Variants in CLTC observed in about 807,000 individuals in gnomAD.
The protein encoded by CLTC is clathrin heavy chain.
In CLTC, 16 loss-of-function variants were observed where a neutral mutation model predicts 195.8. That is an observed-to-expected ratio of 0.08 (90% CI 0.06 to 0.12). The LOEUF (loss-of-function observed/expected upper bound fraction) is 0.12. CLTC is among the 10% of genes least tolerant of loss of function. The pLI is 1.00. For missense variants in CLTC, 796 were observed against 2,027.0 expected, an observed-to-expected ratio of 0.39 and a Z score of 11.66; for synonymous variants, 667 against 689.4, an observed-to-expected ratio of 0.97 and a Z score of 0.51.
chr17:59,656,270 A>G (rs552351059), intron 6 of CLTC: 1 of 351,094 alleles, frequency 2.8e-6, no homozygotes, highest in African/African-American at 2.2e-5. Flanking sequence ...GTATGAATAC[A>G]AAGTCTCTCT....
At position 59,693,810 on chromosome 17, in the gene CLTC, A is replaced by G. The variant is rs546506186; in HGVS notation, c.4986A>G (p.Pro1662=). 1.2e-6 allele frequency: 2 copies of G among 1,613,446 alleles called. No individual in the cohort carries two copies. The highest frequency in any genetic ancestry group is 2.7e-5 in the African/African-American group (2 of 74,964). The change falls in exon 32 of 32, where the codon CCA becomes CCG. Residue 1662 remains proline, a synonymous_variant. Transcript: ENST00000269122. The part of the protein sequence containing the change: ...QAPFGYGYTA[P]PYGQPQPGFG... ...CTTTTGGTTATGGTTATACCGCACC[A>G]CCGTATGGACAGCCACAGCCTGGCT...
chr17:59,638,826 C>T (rs2031946844), intron 1 of CLTC, among the ~76,000 whole-genome samples: 1 of 152,050 alleles, frequency 6.6e-6, no homozygotes. Context: ...GTTCGGGATC[C>T]CTGCTCTAGA....
At chr17:59,679,825 T>G (rs887288987) in intron 18 of CLTC, among the ~76,000 whole-genome samples, 1 of 152,046 alleles carries the variant, frequency 6.6e-6, no homozygotes, top group African/African-American at 2.4e-5. Context: ...TTCCAGCACT[T>G]TGGGAGGCCG....
At chr17:59,652,687 G>A (rs935301779) in intron 5 of CLTC, among the ~76,000 whole-genome samples, 3 of 152,192 alleles carry the variant, frequency 2.0e-5, no homozygotes, top group Admixed American at 6.5e-5. Flanking sequence ...GTAAACAGAT[G>A]TGCTGTCATC....
intron 1 of CLTC, among the ~76,000 whole-genome samples, chr17:59,639,087 G>C (rs1257940500): frequency 6.6e-6 from 1 of 152,140 alleles, no homozygotes; most frequent in Admixed American, 6.5e-5. Context: ...GACCAAAATC[G>C]AATCTGGAAA....
rs1169762821 is a variant in CLTC, at chr17:59,691,630, A to AT, written c.4903+919_4903+920insT. On this transcript the variant is annotated intron_variant, in intron 31 of 31. Coordinates refer to ENST00000269122, the MANE Select transcript of CLTC (RefSeq NM_004859.4). ...CAGAGCAAGACTCCGCCTTAAAAAA[A>AT]AAATATATATATATATATACATATA... Among the ~76,000 whole-genome samples the AT allele has an allele frequency of 1.3e-4, 19 of 146,320 alleles. 1 individual carries two copies. The highest frequency in any genetic ancestry group is 3.3e-4 in the African/African-American group (13 of 39,518).
At position 59,661,364 on chromosome 17, in the gene CLTC, T is replaced by C. The variant is rs186363887; in HGVS notation, c.1168-79T>C. On this transcript the variant is annotated intron_variant, in intron 7 of 31. Coordinates refer to ENST00000269122, the MANE Select transcript of CLTC (RefSeq NM_004859.4). ...CTCTACAGGGTGTTTAGTGTGATGT[T>C]TGGATCACTTTCGAAGAGCGTTTAA... 1.1e-3 allele frequency: 1,180 copies of C among 1,119,766 alleles called. 10 individuals carry two copies. The highest frequency in any genetic ancestry group is 5.2e-4 in the Non-Finnish European group (379 of 734,372). The allele number at this position is 1,119,766 out of a possible 1,614,324, so 69.4% of individuals were successfully genotyped here.
rs1465807161 is a variant in CLTC at position 59,666,571 on chromosome 17, G to A, written c.1874G>A (p.Arg625His). ...QLCEKAGLLQ[R>H]ALEHFTDLYD... ...TGTGAAAAGGCTGGCCTACTGCAGC[G>A]TGCATTAGAACATTTCACTGATTTA... The change falls in exon 12 of 32, where the codon CGT (arginine) becomes CAT (histidine). Residue 625 changes from arginine to histidine, a missense_variant. Transcript: ENST00000269122. The surrounding 1 kb of genome is among the most constrained non-coding windows in gnomAD (Gnocchi z 4.9). 8 of 1,614,028 alleles carry A rather than the reference G, an allele frequency of 5.0e-6. No individual in the cohort carries two copies. Among genetic ancestry groups the A allele is most frequent in the South Asian group, 1.1e-5 (1 of 91,078 alleles).
chr17:59,652,827 A>G (rs1453102926), intron 5 of CLTC, among the ~76,000 whole-genome samples: 1 of 152,216 alleles, frequency 6.6e-6, no homozygotes, highest in Non-Finnish European at 1.5e-5. Flanking sequence ...ATTAGTTCCT[A>G]ATAAGAGAGT....
Position 59,683,632 on chromosome 17 carries a change from A to G in CLTC, c.4199A>G (p.Asn1400Ser). The G allele has an allele frequency of 1.2e-6, 2 of 1,614,110 alleles. No individual in the cohort carries two copies. Among genetic ancestry groups the G allele is most frequent in the Non-Finnish European group, 1.7e-6 (2 of 1,179,978 alleles). The change falls in exon 27 of 32, where the codon AAT (asparagine) becomes AGT (serine). Residue 1400 changes from asparagine to serine, a missense_variant. Around this residue, in one of 9 missense-constraint regions of CLTC, gnomAD observed 102 missense variants for 317.6 expected, o/e 0.32. Coordinates refer to ENST00000269122, the MANE Select transcript of CLTC (RefSeq NM_004859.4). This position sits in a 1 kb window ranked among gnomAD's most constrained non-coding sequence, Gnocchi z 6.1. ...QFKDIITKVA[N>S]VELYYRAIQF... The stretch of plus-strand genomic sequence containing the variant: ...TGGATTTTCCCATTGTAGGTTGCCA[A>G]TGTGGAACTATACTACAGAGCAATA...
intron 13 of CLTC, 101 bp from the exon 14 acceptor site, chr17:59,668,675 AT>A (rs2032783255): frequency 2.1e-6 from 2 of 962,040 alleles, no homozygotes; most frequent in African/African-American, 3.4e-5. Context: ...ACCAACTTAT[AT>A]TTGGGAGTAT....
At chr17:59,624,072 G>A (rs985335130) in intron 1 of CLTC, among the ~76,000 whole-genome samples, 2 of 152,186 alleles carry the variant, frequency 1.3e-5, no homozygotes, top group Admixed American at 1.3e-4. Context: ...AAGTGGTGGT[G>A]ATGAACAATG....
At chr17:59,630,005 TG>T (rs1258739797) in intron 1 of CLTC, among the ~76,000 whole-genome samples, 5 of 152,216 alleles carry the variant, frequency 3.3e-5, no homozygotes, top group Non-Finnish European at 5.9e-5. Flanking sequence ...AATATAATTT[TG>T]TGTGTTTTGT....
At chr17:59,668,486 G>A (rs770420656) in intron 13 of CLTC, among the ~76,000 whole-genome samples, 9 of 152,164 alleles carry the variant, frequency 5.9e-5, no homozygotes, top group Non-Finnish European at 1.3e-4. Context: ...GGAGTTTGAG[G>A]CTGCAGTGAG....
intron 6 of CLTC, among the ~76,000 whole-genome samples, chr17:59,659,824 G>GTA (rs1281810512): frequency 6.6e-6 from 1 of 152,030 alleles, no homozygotes; most frequent in Non-Finnish European, 1.5e-5. Context: ...CCTTCATTGA[G>GTA]TATATAATCT....
intron 6 of CLTC, among the ~76,000 whole-genome samples, chr17:59,658,070 G>A (rs1192791910): frequency 6.6e-6 from 1 of 152,092 alleles, no homozygotes. Flanking sequence ...GGGTGTGGTG[G>A]CAGGTGCCTG....
intron 1 of CLTC, among the ~76,000 whole-genome samples, chr17:59,639,037 C>T (rs1262482498): frequency 6.6e-6 from 1 of 152,034 alleles, no homozygotes; most frequent in African/African-American, 2.4e-5. Flanking sequence ...CTTTTTAGAT[C>T]CAGGTTTAGG....
In CLTC at chr17:59,696,525, T is replaced by TAAAG. The variant is rs10644070; in HGVS notation, c.*2676_*2677insGAAA. 1 of 212,064 alleles carries TAAAG rather than the reference T, an allele frequency of 4.7e-6. No individual in the cohort carries two copies. The highest frequency in any genetic ancestry group is 1.9e-4 in the South Asian group (1 of 5,334). 13.1% of individuals were successfully genotyped at this position (212,064 alleles called of 1,614,324 possible). A position where few individuals can be genotyped will look rare whatever the true frequency, so the allele number is the denominator to read the frequency against. On this transcript the variant is annotated 3_prime_UTR_variant, in exon 32 of 32. Transcript: ENST00000269122. Reference sequence around the variant, plus strand: ...GTCAGTATCCTCCTAAAAGAAGGCTTAAATAGTTTCTAACAAGATGACTAT... The same window carrying TAAAG: ...GTCAGTATCCTCCTAAAAGAAGGCTTAAAGAAATAGTTTCTAACAAGATGACTAT...
chr17:59,682,126 AT>A lies in CLTC; in HGVS notation c.3443-144del. 7 of 784,806 alleles carry A rather than the reference AT, an allele frequency of 8.9e-6. No individual in the cohort carries two copies. In the South Asian group the frequency reaches 1.4e-4, roughly 15 times the overall value. 48.6% of individuals were successfully genotyped at this position (784,806 alleles called of 1,614,324 possible). A position where few individuals can be genotyped will look rare whatever the true frequency, so the allele number is the denominator to read the frequency against. On this transcript the variant is annotated intron_variant, in intron 21 of 31. Coordinates refer to ENST00000269122, the MANE Select transcript of CLTC (RefSeq NM_004859.4). The surrounding 1 kb of genome is among the most constrained non-coding windows in gnomAD (Gnocchi z 6.8). ...TCATCTATTCATTTGGTCCGTGATA[AT>A]ACAGAAGTGAAATATTGCACGGTTT...
Sources: allele counts gnomAD v4.1 joint callset (sites outside exome capture counted in the v4.1 genomes callset), GRCh38; gene constraint gnomAD v4.1.1; regional missense constraint gnomAD v4.1.1; non-coding constraint Gnocchi (gnomAD v3.1); transcripts MANE v1.5; gene names NCBI Gene and HGNC (gene_info 2026-07-23, HGNC 2026-07-21).